MTOR: variants seen among roughly 807,000 people sequenced by gnomAD.
MTOR encodes serine/threonine-protein kinase mTOR.
In MTOR, 70 loss-of-function variants were observed where a neutral mutation model predicts 319.8. The observed-to-expected ratio is 0.22, with a 90% confidence interval of 0.18 to 0.27. The LOEUF is 0.27. Ranked by LOEUF, MTOR falls within the 10% of genes least tolerant of loss-of-function variation. MTOR has a pLI of 1.00. For synonymous variants in MTOR, 1,183 were observed against 1,211.4 expected (o/e 0.98, Z 0.49); for missense variants, 1,890 against 3,274.4 (o/e 0.58, Z 10.32).
At chr1:11,180,928 C>T (rs1370518026) in intron 28 of MTOR, among the ~76,000 whole-genome samples, 26 of 152,046 alleles carry the variant, frequency 1.7e-4, no homozygotes, top group Admixed American at 1.7e-3. Context: ...AGGAGTGTGC[C>T]ACCACATCCA....
chr1:11,112,255 G>A (rs894764940), intron 54 of MTOR, among the ~76,000 whole-genome samples: 20 of 152,132 alleles, frequency 1.3e-4, no homozygotes, highest in African/African-American at 4.8e-4. Context: ...ATCAATGCTT[G>A]AGGACCAAGG....
chr1:11,224,643 T>G (rs183310322), intron 19 of MTOR, among the ~76,000 whole-genome samples: 16 of 152,284 alleles, frequency 1.1e-4, no homozygotes, highest in Admixed American at 6.5e-4. Context: ...ATAGGAAATA[T>G]TTATGAAAAT....
intron 4 of MTOR, 194 bp from the exon 5 acceptor site, chr1:11,256,386 T>C (rs1018029497): frequency 9.7e-6 from 9 of 928,110 alleles, no homozygotes; most frequent in African/African-American, 1.8e-5. Context: ...TTATCCTAGG[T>C]TGTTTACAAA....
chr1:11,248,674 G>A (rs539740793), intron 6 of MTOR, among the ~76,000 whole-genome samples: 2 of 152,178 alleles, frequency 1.3e-5, no homozygotes, highest in African/African-American at 2.4e-5. Context: ...TTAGCTGGGC[G>A]TGGTGGTGGG....
rs180889222 is a variant in MTOR, at chr1:11,169,874, A to G, written c.4254-2357T>C. ...CCTTCACCTGTGTTTGTCCAAGCAT[A>G]AAAGCTGCTAAAACACAGTGATATG... On this transcript the variant is annotated intron_variant, in intron 28 of 57. Transcript: ENST00000361445. Among the ~76,000 whole-genome samples the G allele has an allele frequency of 1.2e-4, 18 of 152,354 alleles. No individual in the cohort carries two copies. In the East Asian group the frequency reaches 3.5e-3, roughly 29 times the overall value.
intron 19 of MTOR, among the ~76,000 whole-genome samples, chr1:11,222,846 A>G (rs1412561269): frequency 6.6e-6 from 1 of 152,112 alleles, no homozygotes; most frequent in East Asian, 1.9e-4. Flanking sequence ...ATAACTACCA[A>G]TGAATGCTAA....
rs576676193 is a variant in MTOR, at chr1:11,257,743, C to T, written c.272-578G>A. Among the ~76,000 whole-genome samples, 10 of 152,176 alleles carry T rather than the reference C, an allele frequency of 6.6e-5. No individual in the cohort carries two copies. The South Asian group carries it at 2.1e-3, about 32-fold the overall frequency. On this transcript the variant is annotated intron_variant, in intron 3 of 57. Coordinates refer to ENST00000361445, the MANE Select transcript of MTOR (RefSeq NM_004958.4). ...CATGCTAGTATAATTTTCTCCCCTA[C>T]CCCCCAAAAAGGGAAAACAACTGGG...
chr1:11,225,074 CAG>C (rs1262569269), intron 19 of MTOR, among the ~76,000 whole-genome samples: 1 of 152,054 alleles, frequency 6.6e-6, no homozygotes, highest in Non-Finnish European at 1.5e-5. Context: ...TGAAAATGGA[CAG>C]GAGGTTTTTT....
chr1:11,124,228 C>G (rs957506132), intron 47 of MTOR, among the ~76,000 whole-genome samples: 4 of 152,294 alleles, frequency 2.6e-5, no homozygotes, highest in South Asian at 2.1e-4. Flanking sequence ...CCATGCCCAG[C>G]CTTTTTCTTC....
At chr1:11,225,409 T>C (rs912438045) in intron 19 of MTOR, among the ~76,000 whole-genome samples, 2 of 141,468 alleles carry the variant, frequency 1.4e-5, no homozygotes, top group African/African-American at 5.0e-5. Context: ...GATCAACAAG[T>C]CAAAAATTGG....
chr1:11,231,733 A>G (rs1647023088), intron 16 of MTOR, among the ~76,000 whole-genome samples: 3 of 152,178 alleles, frequency 2.0e-5, no homozygotes, highest in African/African-American at 7.2e-5. Context: ...AAGGAAATTA[A>G]GATTTTTTGT....
Position 11,107,155 on chromosome 1 carries a change from T to G in MTOR, c.*330A>C. 1 of 1,387,280 alleles carries G rather than the reference T, an allele frequency of 7.2e-7. No individual in the cohort carries two copies. Among genetic ancestry groups the G allele is most frequent in the Non-Finnish European group, 9.5e-7 (1 of 1,050,758 alleles). The allele number at this position is 1,387,280 out of a possible 1,614,324, so 85.9% of individuals were successfully genotyped here. On this transcript the variant is annotated 3_prime_UTR_variant, in exon 58 of 58. Transcript: ENST00000361445. ...TCATTCTTCCATCAGCAAGTACTTA[T>G]GATGAGTTCTCTTGTGAGTTAAGTC...
chr1:11,206,485 G>A (rs1419964047), intron 25 of MTOR, among the ~76,000 whole-genome samples: 4 of 152,144 alleles, frequency 2.6e-5, no homozygotes, highest in Non-Finnish European at 5.9e-5. Context: ...GGACAGCAAC[G>A]ACAGCACCTA....
intron 4 of MTOR, 119 bp downstream of exon 4, chr1:11,256,813 TG>T: frequency 1.1e-6 from 1 of 931,104 alleles, no homozygotes; most frequent in Non-Finnish European, 1.6e-6. Flanking sequence ...TCTCACAGCC[TG>T]GAATCCTAGC....
At chr1:11,151,308 A>T (rs1446481627) in intron 30 of MTOR, among the ~76,000 whole-genome samples, 1 of 152,168 alleles carries the variant, frequency 6.6e-6, no homozygotes, top group Admixed American at 6.5e-5. Flanking sequence ...CAAGAAAACC[A>T]GGGACACAAG....
chr1:11,119,441 G>A (rs972477538), intron 49 of MTOR, among the ~76,000 whole-genome samples: 1 of 151,658 alleles, frequency 6.6e-6, no homozygotes, highest in East Asian at 1.9e-4. Context: ...CATGGAGGCG[G>A]GTGCCTGTAG....
chr1:11,219,463 G>T (rs1196302634), intron 19 of MTOR, among the ~76,000 whole-genome samples: 2 of 152,130 alleles, frequency 1.3e-5, no homozygotes, highest in Non-Finnish European at 2.9e-5. Flanking sequence ...TCTAAGCCAA[G>T]AAATTAAAGT....
At chr1:11,207,597 CTTTTTT>C (rs34578052) in intron 25 of MTOR, among the ~76,000 whole-genome samples, 1 of 121,682 alleles carries the variant, frequency 8.2e-6, no homozygotes, top group African/African-American at 3.0e-5. Context: ...TTTTCAATTC[CTTTTTT>C]TTTTTTTTTT....
In MTOR at chr1:11,221,742, A is replaced by C. The variant is rs1047556451; in HGVS notation, c.3031-5508T>G. Among the ~76,000 whole-genome samples the C allele has an allele frequency of 1.5e-4, 22 of 146,584 alleles. No homozygotes were observed. In the East Asian group the frequency reaches 3.7e-3, roughly 25 times the overall value. On this transcript the variant is annotated intron_variant, in intron 19 of 57. Coordinates refer to ENST00000361445, the MANE Select transcript of MTOR (RefSeq NM_004958.4). ...GTGTATATATACATATATATATTCT[A>C]TATATATAGAAATACTCTATATAGA...
Sources: gnomAD v4.1 joint callset for allele counts (sites outside exome capture counted in the v4.1 genomes callset) on GRCh38, gnomAD v4.1.1 for gene constraint, MANE v1.5 for transcripts, NCBI Gene and HGNC (gene_info 2026-07-23, HGNC 2026-07-21) for gene names.